CDH17: variants seen among roughly 807,000 people sequenced by gnomAD.
The protein encoded by CDH17 is cadherin 17, also known as cadherin-17.
CDH17 carries 67 observed loss-of-function variants against 86.3 expected under a neutral mutation model. That is an observed-to-expected ratio of 0.78 (90% CI 0.64 to 0.95). The LOEUF is 0.95. CDH17 is among the 40% of genes least tolerant of loss of function. The pLI, the probability that CDH17 is intolerant of heterozygous loss-of-function variation, is 0.00. For missense variants in CDH17, 993 were observed against 1,017.6 expected (o/e 0.98, Z 0.33); for synonymous variants, 367 against 366.4 (o/e 1.00, Z -0.02).
chr8:94,128,485 A>G, intron 17 of CDH17, 145 bp from the exon 18 acceptor site: 1 of 610,912 alleles, frequency 1.6e-6, no homozygotes, highest in East Asian at 2.8e-5. Context: ...GTCCTAGTGA[A>G]TAAGGGACTC....
chr8:94,186,381 C>T (rs770862972), intron 3 of CDH17, among the ~76,000 whole-genome samples: 2 of 152,148 alleles, frequency 1.3e-5, no homozygotes, highest in Non-Finnish European at 2.9e-5. Context: ...AGAAGTTTAT[C>T]GCTCATAGTT....
intron 1 of CDH17, chr8:94,201,781 TAGG>T (rs1813917854): frequency 6.5e-6 from 1 of 153,568 alleles, no homozygotes; most frequent in African/African-American, 2.4e-5. Flanking sequence ...ATTAGACACC[TAGG>T]GACCCCCCGC....
upstream of CDH17, among the ~76,000 whole-genome samples, chr8:94,211,824 G>A (rs1009073610): frequency 6.6e-5 from 10 of 152,154 alleles, no homozygotes; most frequent in Non-Finnish European, 1.3e-4. Flanking sequence ...CTTGATGATG[G>A]CAGAAACTTT....
At chr8:94,200,531 T>G (rs1324646674) in intron 1 of CDH17, among the ~76,000 whole-genome samples, 1 of 106,934 alleles carries the variant, frequency 9.4e-6, no homozygotes, top group Non-Finnish European at 1.8e-5. Flanking sequence ...ATTATTATTA[T>G]CTTTTGTTTT....
intron 3 of CDH17, among the ~76,000 whole-genome samples, chr8:94,181,279 A>C (rs1348651886): frequency 3.3e-5 from 5 of 152,208 alleles, no homozygotes; most frequent in Admixed American, 2.6e-4. Context: ...AATAGAATAG[A>C]AAATCAATAA....
At chr8:94,138,064 T>C (rs1221550312) in intron 15 of CDH17, among the ~76,000 whole-genome samples, 2 of 152,128 alleles carry the variant, frequency 1.3e-5, no homozygotes, top group Admixed American at 6.5e-5. Flanking sequence ...TTTCAGGGCA[T>C]TTACCACCTT....
intron 12 of CDH17, among the ~76,000 whole-genome samples, chr8:94,159,053 T>G (rs1170182211): frequency 6.6e-6 from 1 of 152,198 alleles, no homozygotes; most frequent in Non-Finnish European, 1.5e-5. Context: ...TCACTCTCTT[T>G]CCTAGGAAAG....
chr8:94,138,527 T>C (rs530299094), intron 15 of CDH17, among the ~76,000 whole-genome samples: 1 of 152,164 alleles, frequency 6.6e-6, no homozygotes, highest in African/African-American at 2.4e-5. Flanking sequence ...GTTAAGAAAC[T>C]AGAGTTTACA....
intron 13 of CDH17, among the ~76,000 whole-genome samples, chr8:94,149,847 C>T (rs921106803): frequency 1.3e-5 from 2 of 152,096 alleles, no homozygotes; most frequent in Non-Finnish European, 2.9e-5. Context: ...AAGACTAGAA[C>T]CACAGGAAAA....
At chr8:94,189,315 C>G (rs745602971) in intron 2 of CDH17, 30 bp from the exon 3 acceptor site, 4 of 1,502,664 alleles carry the variant, frequency 2.7e-6, no homozygotes, top group Non-Finnish European at 3.7e-6. Context: ...AAATTAGCAT[C>G]TTGTATGAAG....
chr8:94,196,008 C>T (rs984192107), intron 1 of CDH17, among the ~76,000 whole-genome samples: 5 of 152,182 alleles, frequency 3.3e-5, no homozygotes, highest in Non-Finnish European at 7.3e-5. Context: ...GATCTGCCTG[C>T]GTCGGCCTCC....
chr8:94,166,032 A>T (rs1813148084), intron 9 of CDH17, 56 bp from the exon 10 acceptor site: 2 of 1,043,912 alleles, frequency 1.9e-6, no homozygotes, highest in Non-Finnish European at 2.9e-6. Flanking sequence ...TAATCTATTA[A>T]AATAGTTTCA....
intron 3 of CDH17, among the ~76,000 whole-genome samples, chr8:94,185,756 T>G (rs1336265423): frequency 6.6e-6 from 1 of 152,206 alleles, no homozygotes; most frequent in Non-Finnish European, 1.5e-5. Flanking sequence ...ATATAACATT[T>G]TATGCCTTTT....
intron 15 of CDH17, among the ~76,000 whole-genome samples, 172 bp from the exon 16 acceptor site, chr8:94,131,164 A>AG (rs1812408867): frequency 6.6e-6 from 1 of 152,234 alleles, no homozygotes; most frequent in Admixed American, 6.5e-5. Context: ...AAGGTAAGAA[A>AG]GGGCTAAAGC....
At chr8:94,184,772 C>T (rs1298872267) in intron 3 of CDH17, among the ~76,000 whole-genome samples, 5 of 152,136 alleles carry the variant, frequency 3.3e-5, no homozygotes, top group Admixed American at 1.3e-4. Flanking sequence ...TTATATCACA[C>T]TGTCTGATGA....
chr8:94,163,160 T>G (rs574274572), intron 10 of CDH17, among the ~76,000 whole-genome samples: 2 of 152,358 alleles, frequency 1.3e-5, no homozygotes, highest in South Asian at 4.1e-4. Flanking sequence ...CTTCATGTTG[T>G]AGGTGCTACT....
At chr8:94,204,319 C>A (rs1813981264) in intron 1 of CDH17, among the ~76,000 whole-genome samples, 1 of 152,030 alleles carries the variant, frequency 6.6e-6, no homozygotes, top group African/African-American at 2.4e-5. Flanking sequence ...CACCCCAGGA[C>A]AGGCCCCGAT....
upstream of CDH17, chr8:94,208,629 A>G (rs1360283737): frequency 6.6e-6 from 1 of 152,204 alleles, no homozygotes; most frequent in Non-Finnish European, 1.5e-5. Flanking sequence ...TCAGTCAAAC[A>G]TTAACCATTA....
chr8:94,139,676 G>C (rs1037278947), intron 15 of CDH17, among the ~76,000 whole-genome samples: 1 of 152,090 alleles, frequency 6.6e-6, no homozygotes, highest in Admixed American at 6.6e-5. Context: ...GCTGGGGCAG[G>C]CAGATTACTT....
Sources: gnomAD v4.1 joint callset for allele counts (sites outside exome capture counted in the v4.1 genomes callset) on GRCh38, gnomAD v4.1.1 for gene constraint, MANE v1.5 for transcripts, NCBI Gene and HGNC (gene_info 2026-07-23, HGNC 2026-07-21) for gene names.